ANKRD30BL: variants seen among roughly 807,000 people sequenced by gnomAD.
The protein encoded by ANKRD30BL is ankyrin repeat domain 30B like.
In ANKRD30BL, 20 loss-of-function variants were observed where a neutral mutation model predicts 18.4. That is an observed-to-expected ratio of 1.09 (90% CI 0.77 to 1.58). The LOEUF is 1.58. Ranked by LOEUF, ANKRD30BL falls within the 40% of genes most tolerant of loss-of-function variation. ANKRD30BL has a pLI of 0.00. For synonymous variants in ANKRD30BL, 72 were observed against 100.9 expected (o/e 0.71, Z 1.72); for missense variants, 224 against 268.6 (o/e 0.83, Z 1.16).
intron 1 of ANKRD30BL, among the ~76,000 whole-genome samples, chr2:132,237,039 A>C (rs1305940516): frequency 6.6e-6 from 1 of 151,250 alleles, no homozygotes; most frequent in African/African-American, 2.4e-5. Context: ...AAAACCAAAC[A>C]CTGCATATTC....
At chr2:132,192,105 C>T (rs1024735674) in intron 1 of ANKRD30BL, among the ~76,000 whole-genome samples, 11 of 151,986 alleles carry the variant, frequency 7.2e-5, no homozygotes, top group African/African-American at 2.2e-4. Flanking sequence ...CCTCTTTGAC[C>T]ATATTTATAT....
intron 1 of ANKRD30BL, among the ~76,000 whole-genome samples, chr2:132,207,812 T>C (rs1038153753): frequency 1.2e-4 from 18 of 152,108 alleles, no homozygotes; most frequent in Admixed American, 3.9e-4. Flanking sequence ...GTTCATTAAT[T>C]GGTCCCTTGG....
upstream of ANKRD30BL, among the ~76,000 whole-genome samples, chr2:132,166,941 G>T (rs1305422270): frequency 2.0e-5 from 3 of 151,450 alleles, no homozygotes; most frequent in East Asian, 1.9e-4. Context: ...ATAAATTTAG[G>T]TACTAGTTCT....
intron 4 of ANKRD30BL, among the ~76,000 whole-genome samples, chr2:132,151,193 T>C (rs929102447): frequency 1.8e-4 from 27 of 152,298 alleles, no homozygotes; most frequent in African/African-American, 6.3e-4. Context: ...GTGAGGGCAG[T>C]ATAACTCAGT....
At chr2:132,249,534 G>A (rs1680594259) in intron 1 of ANKRD30BL, among the ~76,000 whole-genome samples, 1 of 150,630 alleles carries the variant, frequency 6.6e-6, no homozygotes, top group Non-Finnish European at 1.5e-5. Flanking sequence ...TCTACAAGAA[G>A]ACTGTTACCA....
intron 1 of ANKRD30BL, among the ~76,000 whole-genome samples, chr2:132,213,605 A>T (rs1160498125): frequency 6.6e-6 from 1 of 152,238 alleles, no homozygotes; most frequent in Non-Finnish European, 1.5e-5. Context: ...GCAAGTGAAC[A>T]TTTTGAGCTC....
chr2:132,231,322 C>T (rs948122469), intron 1 of ANKRD30BL, among the ~76,000 whole-genome samples: 10 of 152,068 alleles, frequency 6.6e-5, no homozygotes, highest in South Asian at 2.1e-4. Context: ...ACGGGAATGT[C>T]GAAGGGGGAG....
chr2:132,184,899 AC>A (rs1296622009), intron 1 of ANKRD30BL, among the ~76,000 whole-genome samples: 1 of 149,982 alleles, frequency 6.7e-6, no homozygotes, highest in African/African-American at 2.5e-5. Context: ...TGCAATTTCC[AC>A]CTCCCCAGAT....
chr2:132,212,727 C>A (rs577926577), intron 1 of ANKRD30BL, among the ~76,000 whole-genome samples: 1 of 151,890 alleles, frequency 6.6e-6, no homozygotes, highest in African/African-American at 2.4e-5. Flanking sequence ...TTTCTTTGAG[C>A]ATCTTTGAAA....
chr2:132,227,023 G>C (rs62166093), intron 1 of ANKRD30BL, among the ~76,000 whole-genome samples: 7 of 149,312 alleles, frequency 4.7e-5, no homozygotes, highest in African/African-American at 1.7e-4. Flanking sequence ...CCTATGGTGG[G>C]AAAGGAAATA....
At chr2:132,221,371 G>A (rs1239145646) in intron 1 of ANKRD30BL, among the ~76,000 whole-genome samples, 4 of 143,202 alleles carry the variant, frequency 2.8e-5, no homozygotes, top group Admixed American at 6.7e-5. Flanking sequence ...AGGGGGGAGG[G>A]GGGGTCAGCC....
intron 4 of ANKRD30BL, among the ~76,000 whole-genome samples, 191 bp downstream of exon 4, chr2:132,154,471 C>T (rs1687846824): frequency 6.6e-6 from 1 of 152,072 alleles, no homozygotes; most frequent in Non-Finnish European, 1.5e-5. Flanking sequence ...AGAAGAAAAT[C>T]CTACTGTATA....
At chr2:132,199,751 T>G (rs959042584) in intron 1 of ANKRD30BL, among the ~76,000 whole-genome samples, 2 of 152,182 alleles carry the variant, frequency 1.3e-5, no homozygotes, top group Non-Finnish European at 2.9e-5. Flanking sequence ...TATGGGATTG[T>G]TGTATAAAAT....
At chr2:132,233,204 A>G (rs1345531876) in intron 1 of ANKRD30BL, among the ~76,000 whole-genome samples, 42 of 152,196 alleles carry the variant, frequency 2.8e-4, no homozygotes, top group African/African-American at 8.7e-4. Flanking sequence ...ATGGAAAGGA[A>G]CAACCAGTAC....
At chr2:132,152,491 C>A (rs746920898) in intron 4 of ANKRD30BL, 1 of 151,956 alleles carries the variant, frequency 6.6e-6, no homozygotes. Context: ...TTTAGAAACT[C>A]GAGGTAGAGA....
intron 1 of ANKRD30BL, among the ~76,000 whole-genome samples, chr2:132,236,012 C>G (rs1327195145): frequency 6.6e-6 from 1 of 152,060 alleles, no homozygotes; most frequent in Non-Finnish European, 1.5e-5. Context: ...TGGAACAGAA[C>G]AGAGCCCTCA....
At chr2:132,254,800 A>G in intron 1 of ANKRD30BL, among the ~76,000 whole-genome samples, 1 of 152,198 alleles carries the variant, frequency 6.6e-6, no homozygotes, top group South Asian at 2.1e-4. Flanking sequence ...AGGGTCACAT[A>G]ACTAGTTGGC....
chr2:132,184,686 A>G (rs1282017950), intron 1 of ANKRD30BL, among the ~76,000 whole-genome samples: 3 of 152,054 alleles, frequency 2.0e-5, no homozygotes, highest in Admixed American at 6.6e-5. Flanking sequence ...AATGAAACGC[A>G]TCATCCTATA....
At chr2:132,198,316 CTTTCTTTCTTT>C (rs1466661315) in intron 1 of ANKRD30BL, among the ~76,000 whole-genome samples, 636 of 11,530 alleles carry the variant, frequency 0.055, 16 homozygotes, top group South Asian at 0.081. Flanking sequence ...TTCTTTCTTT[CTTTCTTTCTTT>C]TTTTTTTTTT....
Sources: gnomAD v4.1 joint callset for allele counts (sites outside exome capture counted in the v4.1 genomes callset) on GRCh38, gnomAD v4.1.1 for gene constraint, MANE v1.5 for transcripts, NCBI Gene and HGNC (gene_info 2026-07-23, HGNC 2026-07-21) for gene names.